UBE2E1: variants seen among roughly 807,000 people sequenced by gnomAD.
UBE2E1 encodes ubiquitin-conjugating enzyme E2 E1.
A neutral mutation model predicts 21.4 loss-of-function variants in UBE2E1; 6 were observed. The observed-to-expected ratio is 0.28, with a 90% CI of 0.15 to 0.55. The LOEUF is 0.55. Among genes scored for constraint, UBE2E1 ranks in the 20% least tolerant of loss-of-function variants. The pLI, the probability that UBE2E1 is intolerant of heterozygous loss-of-function variation, is 0.93. For missense variants in UBE2E1, 142 were observed against 236.5 expected, an observed-to-expected ratio of 0.60 and a Z score of 2.62; for synonymous variants, 87 against 82.7, an observed-to-expected ratio of 1.05 and a Z score of -0.28.
At chr3:23,882,750 A>G (rs960741732) in intron 3 of UBE2E1, among the ~76,000 whole-genome samples, 14 of 152,322 alleles carry the variant, frequency 9.2e-5, no homozygotes, top group African/African-American at 3.4e-4. Flanking sequence ...CTGGGGGACC[A>G]GGCGCACCCT....
intron 3 of UBE2E1, among the ~76,000 whole-genome samples, chr3:23,874,821 T>A (rs1473766181): frequency 6.6e-6 from 1 of 152,204 alleles, no homozygotes; most frequent in African/African-American, 2.4e-5. Flanking sequence ...ACTTTAATTC[T>A]AATCACTGCC....
At chr3:23,850,063 T>C (rs756494616) in intron 3 of UBE2E1, among the ~76,000 whole-genome samples, 2 of 152,226 alleles carry the variant, frequency 1.3e-5, no homozygotes, top group Non-Finnish European at 2.9e-5. Context: ...GGATCAAAAT[T>C]GACATATTCT....
Position 23,859,516 on chromosome 3 carries a change from C to T in UBE2E1, c.204-28051C>T, listed in dbSNP as rs114492737. Among the ~76,000 whole-genome samples, 861 of 152,330 alleles carry T rather than the reference C, an allele frequency of 5.7e-3. 9 individuals carry two copies. Among genetic ancestry groups the T allele is most frequent in the African/African-American group, 0.019 (805 of 41,580 alleles). Reference sequence around the variant, plus strand: ...GCTTACCAGGTTCTTCATCCAGAAACATTAGCCCAAATGAAGCTTCTCTCA... The same window carrying T: ...GCTTACCAGGTTCTTCATCCAGAAATATTAGCCCAAATGAAGCTTCTCTCA... On this transcript the variant is annotated intron_variant, in intron 3 of 5. Coordinates refer to ENST00000306627, the MANE Select transcript of UBE2E1 (RefSeq NM_003341.5).
At chr3:23,844,332 C>T (rs1047964607) in intron 3 of UBE2E1, among the ~76,000 whole-genome samples, 1 of 152,174 alleles carries the variant, frequency 6.6e-6, no homozygotes, top group Non-Finnish European at 1.5e-5. Flanking sequence ...TTTTAACTTA[C>T]ATAAATGATG....
chr3:23,870,894 G>A lies in UBE2E1; in HGVS notation c.204-16673G>A, dbSNP rs948903088. On this transcript the variant is annotated intron_variant, in intron 3 of 5. Coordinates refer to ENST00000306627, the MANE Select transcript of UBE2E1 (RefSeq NM_003341.5). The surrounding 1 kb of genome is among the most constrained non-coding windows in gnomAD (Gnocchi z 4.2). ...GGTGATGATTCTTAACGAGCATGCT[G>A]CCTTCAAGCATCTGTTTAACAAAGC... Among the ~76,000 whole-genome samples the A allele has an allele frequency of 2.6e-5, 4 of 152,068 alleles. No homozygotes were observed. Among genetic ancestry groups the A allele is most frequent in the Non-Finnish European group, 5.9e-5 (4 of 67,990 alleles).
At chr3:23,825,558 A>C (rs543708287) in intron 3 of UBE2E1, among the ~76,000 whole-genome samples, 1 of 152,328 alleles carries the variant, frequency 6.6e-6, no homozygotes, top group African/African-American at 2.4e-5. Flanking sequence ...AGTACCAAGA[A>C]ATTAAAATAG....
rs1413059698 is a variant in UBE2E1 at position 23,870,869 on chromosome 3, G to A, written c.204-16698G>A. Among the ~76,000 whole-genome samples the A allele has an allele frequency of 2.0e-5, 3 of 151,890 alleles. No individual in the cohort carries two copies. In the East Asian group the frequency reaches 5.8e-4, roughly 29 times the overall value. On this transcript the variant is annotated intron_variant, in intron 3 of 5. Transcript: ENST00000306627. The surrounding 1 kb of genome is among the most constrained non-coding windows in gnomAD (Gnocchi z 4.2). ...CCCTGGGTACTTGAGATTAGGGAGT[G>A]GTGATGATTCTTAACGAGCATGCTG...
intron 3 of UBE2E1, among the ~76,000 whole-genome samples, chr3:23,833,401 G>A (rs1431367524): frequency 6.6e-6 from 1 of 152,146 alleles, no homozygotes; most frequent in Admixed American, 6.5e-5. Context: ...TTTGGAAGGT[G>A]CTACATTAAT....
intron 2 of UBE2E1, 24 bp from the exon 3 acceptor site, chr3:23,811,436 T>C: frequency 3.7e-6 from 6 of 1,614,042 alleles, no homozygotes; most frequent in Non-Finnish European, 3.4e-6. Flanking sequence ...CTTGTGTTTG[T>C]CTTTCCCATT....
chr3:23,869,530 A>C (rs1197644254), intron 3 of UBE2E1, among the ~76,000 whole-genome samples: 1 of 151,350 alleles, frequency 6.6e-6, no homozygotes, highest in Admixed American at 6.6e-5. Context: ...TGAGAGTTCA[A>C]ATACAAGTAG....
intron 3 of UBE2E1, among the ~76,000 whole-genome samples, chr3:23,829,958 A>G (rs1418063188): frequency 1.3e-5 from 2 of 152,066 alleles, no homozygotes; most frequent in East Asian, 1.9e-4. Flanking sequence ...TGGGTATGCC[A>G]CATGTTTCCC....
intron 3 of UBE2E1, among the ~76,000 whole-genome samples, chr3:23,828,093 T>G (rs904270858): frequency 2.0e-5 from 3 of 152,214 alleles, no homozygotes; most frequent in African/African-American, 7.2e-5. Context: ...TGAGTTACGG[T>G]CATTTGTGTT....
chr3:23,889,305 A>G (rs1701282256), intron 5 of UBE2E1, 46 bp downstream of exon 5: 5 of 1,611,790 alleles, frequency 3.1e-6, no homozygotes, highest in Non-Finnish European at 4.2e-6. Context: ...CCTTACCTGA[A>G]AAATACTTGT....
intron 3 of UBE2E1, among the ~76,000 whole-genome samples, chr3:23,880,720 A>G (rs1701018698): frequency 6.6e-6 from 1 of 152,224 alleles, no homozygotes; most frequent in African/African-American, 2.4e-5. Context: ...GGGAATGGGG[A>G]AAGACTCACA....
chr3:23,820,411 C>G (rs139978551), intron 3 of UBE2E1, among the ~76,000 whole-genome samples: 1 of 152,160 alleles, frequency 6.6e-6, no homozygotes, highest in Non-Finnish European at 1.5e-5. Context: ...AGAGTCCATG[C>G]CACATTACAT....
chr3:23,871,011 C>A (rs1230899228), intron 3 of UBE2E1, among the ~76,000 whole-genome samples: 5 of 152,206 alleles, frequency 3.3e-5, no homozygotes, highest in Admixed American at 6.5e-5. Context: ...CACAGATCAA[C>A]AGGATCCCAA....
In UBE2E1 at chr3:23,810,771, C is replaced by T; in HGVS notation, c.153-689C>T. Reference sequence around the variant, plus strand: ...TGTTCCCCTCCCCCGCCCGCAACTTCACCGGCGCGGCGCGAGCCGTCGGGG... The same window carrying T: ...TGTTCCCCTCCCCCGCCCGCAACTTTACCGGCGCGGCGCGAGCCGTCGGGG... On this transcript the variant is annotated intron_variant, in intron 2 of 5. Coordinates refer to ENST00000306627, the MANE Select transcript of UBE2E1 (RefSeq NM_003341.5). This position sits in a 1 kb window ranked among gnomAD's most constrained non-coding sequence, Gnocchi z 5.8. 3.9e-6 allele frequency: 1 copy of T among 259,002 alleles called. No individual in the cohort carries two copies. The allele number at this position is 259,002 out of a possible 1,614,324, so 16.0% of individuals were successfully genotyped here. A position where few individuals can be genotyped will look rare whatever the true frequency, so the allele number is the denominator to read the frequency against.
rs145101044 is a variant in UBE2E1 at position 23,853,899 on chromosome 3, G to T, written c.204-33668G>T. On this transcript the variant is annotated intron_variant, in intron 3 of 5. Coordinates refer to ENST00000306627, the MANE Select transcript of UBE2E1 (RefSeq NM_003341.5). The surrounding 1 kb of genome is among the most constrained non-coding windows in gnomAD (Gnocchi z 4.1). ...TTATAATAATTCGTTTTATCCACAT[G>T]GTTCAAGTGGGTCTTTTTTTACCCT... 6.6e-6 allele frequency among the ~76,000 whole-genome samples: 1 copy of T among 152,124 alleles called. No individual in the cohort carries two copies. Among genetic ancestry groups the T allele is most frequent in the Non-Finnish European group, 1.5e-5 (1 of 68,014 alleles).
chr3:23,811,392 G>T, intron 2 of UBE2E1, 68 bp from the exon 3 acceptor site: 1 of 1,471,492 alleles, frequency 6.8e-7, no homozygotes, highest in Non-Finnish European at 9.5e-7. Flanking sequence ...AGACCTGCAC[G>T]CTACAGGTGG....
Sources: allele counts gnomAD v4.1 joint callset (sites outside exome capture counted in the v4.1 genomes callset), GRCh38; gene constraint gnomAD v4.1.1; non-coding constraint Gnocchi (gnomAD v3.1); transcripts MANE v1.5; gene names NCBI Gene and HGNC (gene_info 2026-07-23, HGNC 2026-07-21).